Variants in TMEM131 observed in about 807,000 individuals in gnomAD.
The protein encoded by TMEM131 is transmembrane protein 131.
Under a neutral mutation model 211.6 loss-of-function variants are expected in TMEM131, and 66 were observed. The observed-to-expected ratio is 0.31, with a 90% CI of 0.26 to 0.38. TMEM131 has a LOEUF of 0.38. TMEM131 is among the 10% of genes least tolerant of loss of function. TMEM131 has a pLI of 1.00. For missense variants in TMEM131, 2,036 were observed against 2,299.3 expected (o/e 0.89, Z 2.34); for synonymous variants, 844 against 841.3 (o/e 1.00, Z -0.06).
At chr2:97,981,771 T>C (rs1559489535) in intron 1 of TMEM131, among the ~76,000 whole-genome samples, 1 of 152,212 alleles carries the variant, frequency 6.6e-6, no homozygotes, top group Non-Finnish European at 1.5e-5. Context: ...ATTTGCCTAT[T>C]CTGGACATTT....
chr2:97,978,542 A>C (rs943068402), intron 1 of TMEM131, among the ~76,000 whole-genome samples: 3 of 151,924 alleles, frequency 2.0e-5, no homozygotes, highest in Non-Finnish European at 4.4e-5. Flanking sequence ...GAGCCACCAC[A>C]CCTAGCTAAT....
chr2:97,972,107 C>T (rs943198579), intron 1 of TMEM131, among the ~76,000 whole-genome samples: 7 of 152,070 alleles, frequency 4.6e-5, no homozygotes, highest in African/African-American at 1.4e-4. Flanking sequence ...ACTCGGGAGG[C>T]TGAGGCAGGA....
intron 1 of TMEM131, among the ~76,000 whole-genome samples, chr2:97,955,142 A>G (rs988217850): frequency 6.6e-6 from 1 of 152,164 alleles, no homozygotes; most frequent in African/African-American, 2.4e-5. Context: ...CCATAAGCAG[A>G]ATTTATCCGA....
At chr2:97,899,327 CAGG>C (rs1254046341) in intron 3 of TMEM131, among the ~76,000 whole-genome samples, 1 of 152,058 alleles carries the variant, frequency 6.6e-6, no homozygotes, top group East Asian at 1.9e-4. Flanking sequence ...TACTGATGAA[CAGG>C]AGAAGACACT....
chr2:97,809,715 C>G lies in TMEM131; in HGVS notation c.2028G>C (p.Lys676Asn). Residue 676 changes from lysine (K) to asparagine (N), a missense_variant, in exon 19 of 41, where the codon AAG (lysine) becomes AAC (asparagine). Coordinates refer to ENST00000186436, the MANE Select transcript of TMEM131 (RefSeq NM_015348.2). ...IAVGSLTCFP[K>N]HVVLPPSFPG... ...GAAAGGAAGGTGGAAGAACCACGTG[C>G]TTAGGGAAGCAGGTCAGTGAGCCTA... is the stretch of plus-strand genomic sequence containing the variant. The G allele has an allele frequency of 6.2e-7, 1 of 1,610,952 alleles. No homozygotes were observed. Among genetic ancestry groups the G allele is most frequent in the Non-Finnish European group, 8.5e-7 (1 of 1,178,626 alleles).
chr2:97,810,715 C>T (rs1269485500), intron 18 of TMEM131, among the ~76,000 whole-genome samples: 1 of 152,168 alleles, frequency 6.6e-6, no homozygotes, highest in African/African-American at 2.4e-5. Flanking sequence ...AATGTGAGCA[C>T]TCAGATTAGG....
intron 15 of TMEM131, among the ~76,000 whole-genome samples, chr2:97,812,970 A>T (rs577968334): frequency 1.3e-3 from 191 of 152,194 alleles, no homozygotes; most frequent in Non-Finnish European, 2.3e-3. Context: ...CCAGCTTGGG[A>T]AACACAGCGA....
At chr2:97,893,608 A>G (rs566017259) in intron 3 of TMEM131, among the ~76,000 whole-genome samples, 3 of 152,246 alleles carry the variant, frequency 2.0e-5, no homozygotes, top group Admixed American at 2.0e-4. Context: ...ATGGTATCTC[A>G]CTGTAGTTTT....
At chr2:97,909,561 T>C (rs1676211612) in intron 2 of TMEM131, among the ~76,000 whole-genome samples, 1 of 152,166 alleles carries the variant, frequency 6.6e-6, no homozygotes, top group Admixed American at 6.6e-5. Flanking sequence ...ATGCCAATGC[T>C]ATAAGGAATA....
chr2:97,840,217 G>A (rs897729976), intron 7 of TMEM131, among the ~76,000 whole-genome samples: 3 of 152,170 alleles, frequency 2.0e-5, no homozygotes, highest in African/African-American at 4.8e-5. Flanking sequence ...AATTGAATTC[G>A]AAGTGATCAC....
At chr2:97,852,264 C>T (rs560723662) in intron 5 of TMEM131, among the ~76,000 whole-genome samples, 92 of 150,918 alleles carry the variant, frequency 6.1e-4, no homozygotes, top group African/African-American at 2.0e-3. Flanking sequence ...CAGGTTCAAG[C>T]GATTCTTGTG....
chr2:97,856,106 T>C (rs1013142407), intron 5 of TMEM131, among the ~76,000 whole-genome samples: 11 of 152,302 alleles, frequency 7.2e-5, no homozygotes, highest in African/African-American at 2.2e-4. Context: ...TTTTGTTTCC[T>C]ACTGTGTGTA....
At chr2:97,807,620 G>A (rs1681371503) in intron 19 of TMEM131, among the ~76,000 whole-genome samples, 1 of 152,144 alleles carries the variant, frequency 6.6e-6, no homozygotes, top group South Asian at 2.1e-4. Context: ...CCCAGCCTCA[G>A]GGATTCCTTT....
intron 19 of TMEM131, among the ~76,000 whole-genome samples, chr2:97,807,422 A>T (rs1681358190): frequency 6.6e-6 from 1 of 152,104 alleles, no homozygotes; most frequent in Admixed American, 6.5e-5. Context: ...ACTGGTTGTT[A>T]AAAAAGAGCC....
intron 1 of TMEM131, among the ~76,000 whole-genome samples, chr2:97,978,877 C>G (rs1326598404): frequency 6.6e-6 from 1 of 152,118 alleles, no homozygotes; most frequent in East Asian, 1.9e-4. Flanking sequence ...TTTCAATGGA[C>G]TTTGCCCAGA....
chr2:97,937,125 A>G (rs941390445), intron 1 of TMEM131, among the ~76,000 whole-genome samples: 2 of 152,172 alleles, frequency 1.3e-5, no homozygotes, highest in Non-Finnish European at 2.9e-5. Context: ...ACTTTAAATA[A>G]GCTATTTTAA....
intron 31 of TMEM131, among the ~76,000 whole-genome samples, chr2:97,789,809 C>T (rs1047753981): frequency 7.2e-5 from 11 of 152,150 alleles, no homozygotes; most frequent in Non-Finnish European, 1.3e-4. Context: ...CAAAGAAGTA[C>T]AGAATCTAAT....
intron 5 of TMEM131, among the ~76,000 whole-genome samples, chr2:97,846,698 T>C (rs1177252245): frequency 6.6e-6 from 1 of 152,100 alleles, no homozygotes; most frequent in African/African-American, 2.4e-5. Context: ...AAAGCTATCA[T>C]TAGTGTATTT....
At chr2:97,893,582 T>C (rs1213590303) in intron 3 of TMEM131, among the ~76,000 whole-genome samples, 1 of 152,206 alleles carries the variant, frequency 6.6e-6, no homozygotes, top group African/African-American at 2.4e-5. Flanking sequence ...ATGATCGCCA[T>C]TCTAACTGGC....
Sources: allele counts gnomAD v4.1 joint callset (sites outside exome capture counted in the v4.1 genomes callset), GRCh38; gene constraint gnomAD v4.1.1; transcripts MANE v1.5; gene names NCBI Gene and HGNC (gene_info 2026-07-23, HGNC 2026-07-21).